SCLT1: variants seen among roughly 807,000 people sequenced by gnomAD.
SCLT1 encodes the protein sodium channel and clathrin linker 1.
Under a neutral mutation model 112.8 loss-of-function variants are expected in SCLT1, and 78 were observed. That is an observed-to-expected ratio of 0.69 (90% CI 0.58 to 0.83). SCLT1 has a LOEUF of 0.83. Among genes scored for constraint, SCLT1 ranks in the 40% least tolerant of loss-of-function variants. The pLI is 0.00. For synonymous variants in SCLT1, 257 were observed against 254.7 expected (o/e 1.01, Z -0.09); for missense variants, 747 against 770.4 (o/e 0.97, Z 0.36).
rs1006766828 is a variant in SCLT1, at chr4:128,936,601, T to C, written c.1829+54A>G. ...AGATTATGGCAAGGACATTAAACTA[T>C]AGGTTAAAGAATTTCTTCTGTAAAA... is the stretch of plus-strand genomic sequence containing the variant. On this transcript the variant is annotated intron_variant, in intron 18 of 20. Transcript: ENST00000281142. 8.2e-6 allele frequency: 9 copies of C among 1,097,824 alleles called. No homozygotes were observed. In the African/African-American group the frequency reaches 1.1e-4, roughly 14 times the overall value. 68.0% of individuals were successfully genotyped at this position (1,097,824 alleles called of 1,614,324 possible). A position where few individuals can be genotyped will look rare whatever the true frequency, so the allele number is the denominator to read the frequency against.
At chr4:129,069,550 G>C (rs1347626308) in intron 2 of SCLT1, among the ~76,000 whole-genome samples, 2 of 151,996 alleles carry the variant, frequency 1.3e-5, no homozygotes, top group Non-Finnish European at 2.9e-5. Flanking sequence ...TTCTTGATTT[G>C]ATTCTCTGCT....
At chr4:129,038,144 G>C (rs1426489654) in intron 5 of SCLT1, 1 of 153,348 alleles carries the variant, frequency 6.5e-6, no homozygotes, top group Non-Finnish European at 1.5e-5. Flanking sequence ...AAAAAAAAAA[G>C]TCAACAATAT....
At chr4:129,035,591 T>C (rs1747111403) in intron 5 of SCLT1, among the ~76,000 whole-genome samples, 1 of 152,086 alleles carries the variant, frequency 6.6e-6, no homozygotes, top group South Asian at 2.1e-4. Context: ...TTCCATACCC[T>C]CAACAGTAAA....
intron 1 of SCLT1, among the ~76,000 whole-genome samples, chr4:129,087,800 AACCTTC>A (rs1247963326): frequency 1.3e-5 from 2 of 151,426 alleles, no homozygotes; most frequent in Non-Finnish European, 2.9e-5. Flanking sequence ...AAAAGCAAAA[AACCTTC>A]ATAGGTTGGG....
chr4:128,962,661 T>A (rs1739842832), intron 11 of SCLT1, among the ~76,000 whole-genome samples: 1 of 152,160 alleles, frequency 6.6e-6, no homozygotes, highest in Non-Finnish European at 1.5e-5. Context: ...CCATCCCTTC[T>A]CATGACTCCC....
intron 19 of SCLT1, among the ~76,000 whole-genome samples, chr4:128,889,985 A>G (rs1733187063): frequency 6.6e-6 from 1 of 152,202 alleles, no homozygotes; most frequent in Non-Finnish European, 1.5e-5. Flanking sequence ...TATATTTCTT[A>G]TTATGCCCAA....
intron 9 of SCLT1, among the ~76,000 whole-genome samples, chr4:128,976,218 C>T (rs959784436): frequency 6.6e-6 from 1 of 152,150 alleles, no homozygotes; most frequent in Non-Finnish European, 1.5e-5. Context: ...CAATCTGAGA[C>T]TTACTCATTC....
intron 5 of SCLT1, among the ~76,000 whole-genome samples, chr4:129,011,576 C>T (rs1021090041): frequency 9.2e-5 from 10 of 108,558 alleles, no homozygotes; most frequent in African/African-American, 2.6e-4. Context: ...CTTAGGAATA[C>T]CTAAGCATTT....
At chr4:129,028,342 G>A (rs372677949) in intron 5 of SCLT1, among the ~76,000 whole-genome samples, 2 of 152,064 alleles carry the variant, frequency 1.3e-5, no homozygotes, top group Non-Finnish European at 1.5e-5. Flanking sequence ...TAGATCAATG[G>A]AACAGAACAG....
chr4:128,928,889 A>C (rs954033254), intron 18 of SCLT1, among the ~76,000 whole-genome samples: 1 of 152,142 alleles, frequency 6.6e-6, no homozygotes, highest in African/African-American at 2.4e-5. Context: ...GTAATAGCAA[A>C]AGGAAACTTC....
At chr4:128,994,986 C>A (rs1244279305) in intron 8 of SCLT1, among the ~76,000 whole-genome samples, 2 of 152,018 alleles carry the variant, frequency 1.3e-5, no homozygotes, top group Non-Finnish European at 2.9e-5. Context: ...TGCCTTTTCA[C>A]TCTGCTGGTT....
At chr4:128,926,306 C>T (rs1255483273) in intron 18 of SCLT1, among the ~76,000 whole-genome samples, 1 of 152,034 alleles carries the variant, frequency 6.6e-6, no homozygotes, top group Non-Finnish European at 1.5e-5. Flanking sequence ...ATTGTATACT[C>T]TGGGTGTTCA....
intron 9 of SCLT1, among the ~76,000 whole-genome samples, chr4:128,986,766 C>T (rs1460670575): frequency 6.6e-6 from 1 of 152,222 alleles, no homozygotes; most frequent in Non-Finnish European, 1.5e-5. Context: ...AATTCATGCC[C>T]TGCTAACTGA....
intron 9 of SCLT1, among the ~76,000 whole-genome samples, chr4:128,988,177 ACT>A (rs1429956427): frequency 9.9e-5 from 15 of 152,108 alleles, no homozygotes; most frequent in Non-Finnish European, 1.5e-4. Context: ...GAATATTCTA[ACT>A]CTGTTTAGAC....
At chr4:129,002,559 T>C (rs1282568957) in intron 6 of SCLT1, among the ~76,000 whole-genome samples, 1 of 151,862 alleles carries the variant, frequency 6.6e-6, no homozygotes, top group Non-Finnish European at 1.5e-5. Context: ...ATTAAAATAT[T>C]CTCTCTACAA....
chr4:129,027,404 A>T (rs902393504), intron 5 of SCLT1, among the ~76,000 whole-genome samples: 2 of 152,242 alleles, frequency 1.3e-5, no homozygotes, highest in Non-Finnish European at 2.9e-5. Context: ...AATATACGCA[A>T]ATCAATAACA....
chr4:129,018,326 T>C (rs559020160), intron 5 of SCLT1, among the ~76,000 whole-genome samples: 1 of 152,362 alleles, frequency 6.6e-6, no homozygotes, highest in African/African-American at 2.4e-5. Flanking sequence ...CAATCTATCA[T>C]ATTTGCCACA....
intron 5 of SCLT1, among the ~76,000 whole-genome samples, chr4:129,009,085 CTA>C (rs930884379): frequency 4.6e-5 from 7 of 152,112 alleles, no homozygotes; most frequent in Admixed American, 2.6e-4. Context: ...CTAGGTTGAT[CTA>C]TGTCTTTGTC....
chr4:128,961,069 C>T (rs1739685109), intron 11 of SCLT1, among the ~76,000 whole-genome samples: 1 of 150,816 alleles, frequency 6.6e-6, no homozygotes, highest in African/African-American at 2.4e-5. Flanking sequence ...CTTCGCCACA[C>T]TAAAAATTTA....
Sources: gnomAD v4.1 joint callset for allele counts (sites outside exome capture counted in the v4.1 genomes callset) on GRCh38, gnomAD v4.1.1 for gene constraint, MANE v1.5 for transcripts, NCBI Gene and HGNC (gene_info 2026-07-23, HGNC 2026-07-21) for gene names.